CELF2: variants seen among roughly 807,000 people sequenced by gnomAD.
CELF2 encodes the protein CUG triplet repeat RNA-binding protein 2.
A neutral mutation model predicts 62.6 loss-of-function variants in CELF2; 8 were observed. The observed-to-expected ratio is 0.13, with a 90% CI of 0.07 to 0.23. The LOEUF (loss-of-function observed/expected upper bound fraction) is 0.23. Ranked by LOEUF, CELF2 falls within the 10% of genes least tolerant of loss-of-function variation. The probability of loss-of-function intolerance (pLI) is 1.00; values close to 1 mark genes in which losing one functional copy is unlikely to be tolerated. For missense variants in CELF2, 333 were observed against 671.0 expected (o/e 0.50, Z 5.56); for synonymous variants, 258 against 250.0 (o/e 1.03, Z -0.30).
chr10:10,473,142 T>A, the CELF2 span, among the ~76,000 whole-genome samples: 3 of 152,042 alleles, frequency 2.0e-5, no homozygotes, highest in Admixed American at 1.3e-4. Flanking sequence ...TCATTGCTGA[T>A]GCAGTTAGTT....
intron 1 of CELF2, among the ~76,000 whole-genome samples, chr10:11,162,504 C>T (rs993443070): frequency 6.6e-6 from 1 of 151,568 alleles, no homozygotes; most frequent in Non-Finnish European, 1.5e-5. Context: ...ATGAGAGGTG[C>T]TCATGGGTGG....
In CELF2 at chr10:11,211,998, G is replaced by A. The variant is rs2061976820; in HGVS notation, c.272-5427G>A. On this transcript the variant is annotated intron_variant, in intron 2 of 12. Coordinates refer to ENST00000633077, the MANE Select transcript of CELF2 (RefSeq NM_001326342.2). This position sits in a 1 kb window ranked among gnomAD's most constrained non-coding sequence, Gnocchi z 4.8. ...GAAACTATTAGTGAAAAAATATAGC[G>A]AGACACCAGCTACCCTGTGTGGAGT... Among the ~76,000 whole-genome samples the A allele has an allele frequency of 6.6e-6, 1 of 152,088 alleles. No homozygotes were observed.
intron 2 of CELF2, among the ~76,000 whole-genome samples, chr10:11,204,666 G>T (rs888434514): frequency 6.6e-6 from 1 of 152,192 alleles, no homozygotes; most frequent in Non-Finnish European, 1.5e-5. Context: ...GATCTCCTGC[G>T]CTTGATCCCC....
chr10:11,022,254 GC>G (rs1304576768), intron 1 of CELF2, among the ~76,000 whole-genome samples: 9 of 152,206 alleles, frequency 5.9e-5, no homozygotes, highest in African/African-American at 2.2e-4. Flanking sequence ...CATGTTATCA[GC>G]TGCTTTCCGA....
chr10:11,153,453 C>T (rs991564812), intron 1 of CELF2, among the ~76,000 whole-genome samples: 21 of 152,122 alleles, frequency 1.4e-4, no homozygotes, highest in African/African-American at 4.6e-4. Flanking sequence ...AGGCATCCAC[C>T]GAGATTGACA....
chr10:10,599,213 C>T, the CELF2 span, among the ~76,000 whole-genome samples: 6 of 152,124 alleles, frequency 3.9e-5, no homozygotes, highest in Non-Finnish European at 8.8e-5. Flanking sequence ...AGAGCAATGA[C>T]TTTCAATGAG....
At chr10:10,954,211 TTTATTATTATTA>T (rs148582483) in intron 2 of CELF2, among the ~76,000 whole-genome samples, 29,625 of 137,088 alleles carry the variant, frequency 0.22, 3,966 homozygotes, top group East Asian at 0.63. Flanking sequence ...TGGCAATTTA[TTTATTATTATTA>T]TTATTATTAT....
At chr10:11,308,187 A>C (rs1375867212) in intron 9 of CELF2, among the ~76,000 whole-genome samples, 1 of 152,186 alleles carries the variant, frequency 6.6e-6, no homozygotes, top group Non-Finnish European at 1.5e-5. Flanking sequence ...TGCTCCATTC[A>C]AGATTTTCTC....
chr10:11,128,452 A>G (rs770780145), intron 1 of CELF2, among the ~76,000 whole-genome samples: 24 of 152,190 alleles, frequency 1.6e-4, no homozygotes, highest in African/African-American at 5.1e-4. Context: ...CATTCAATCT[A>G]TAAATTACCT....
At chr10:11,080,060 A>T (rs893446397) in intron 1 of CELF2, among the ~76,000 whole-genome samples, 1 of 152,242 alleles carries the variant, frequency 6.6e-6, no homozygotes, top group Non-Finnish European at 1.5e-5. Flanking sequence ...AGAGTCATTA[A>T]GGTAGAGAGG....
intron 2 of CELF2, among the ~76,000 whole-genome samples, chr10:11,182,970 A>T (rs558259180): frequency 6.6e-6 from 1 of 152,192 alleles, no homozygotes; most frequent in South Asian, 2.1e-4. Flanking sequence ...CAACAGCTCA[A>T]TGGAGACATA....
At chr10:11,066,996 C>T (rs751715944) in intron 1 of CELF2, among the ~76,000 whole-genome samples, 1 of 152,162 alleles carries the variant, frequency 6.6e-6, no homozygotes, top group Non-Finnish European at 1.5e-5. Flanking sequence ...CTCTTGCCTA[C>T]AGGTAGAAAT....
At chr10:11,195,097 T>C (rs1005684775) in intron 2 of CELF2, among the ~76,000 whole-genome samples, 2 of 152,210 alleles carry the variant, frequency 1.3e-5, no homozygotes, top group Non-Finnish European at 2.9e-5. Flanking sequence ...GCTGTAGAAA[T>C]CTATGATACT....
the CELF2 span, among the ~76,000 whole-genome samples, chr10:10,648,496 C>T: frequency 6.6e-6 from 1 of 152,138 alleles, no homozygotes; most frequent in Non-Finnish European, 1.5e-5. Flanking sequence ...GGAAGGGTTG[C>T]AGTAGGTAAA....
intron 1 of CELF2, chr10:11,018,935 C>G (rs1183874243): frequency 6.6e-6 from 1 of 152,182 alleles, no homozygotes. Flanking sequence ...GCCAGGTGTA[C>G]TTTATTGCAG....
chr10:10,559,468 A>G, the CELF2 span, among the ~76,000 whole-genome samples: 2 of 152,224 alleles, frequency 1.3e-5, no homozygotes, highest in East Asian at 1.9e-4. Flanking sequence ...TTTGACATAT[A>G]CTAGCTGTTC....
rs541696271 is a variant in CELF2 at position 11,062,345 on chromosome 10, A to G, written c.74+44182A>G. 8.1e-4 allele frequency among the ~76,000 whole-genome samples: 123 copies of G among 152,390 alleles called. 2 individuals carry two copies. The highest frequency in any genetic ancestry group is 1.5e-3 in the Non-Finnish European group (105 of 68,032). ...TTTAAGAAACATATTTTGTAAGGCT[A>G]TGGCTGCTATAGATTGTGATTCCTC... is the stretch of plus-strand genomic sequence containing the variant. On this transcript the variant is annotated intron_variant, in intron 1 of 12. Transcript: ENST00000633077.
intron 2 of CELF2, chr10:10,966,644 G>C (rs2050151956): frequency 6.6e-6 from 1 of 152,232 alleles, no homozygotes; most frequent in South Asian, 2.1e-4. Context: ...TAAATGCCTG[G>C]AGCTGAGCAG....
At chr10:10,679,641 C>A in the CELF2 span, among the ~76,000 whole-genome samples, 1 of 152,044 alleles carries the variant, frequency 6.6e-6, no homozygotes, top group Admixed American at 6.5e-5. Flanking sequence ...TTGAACATAC[C>A]CAAAAGAACA....
Sources: allele counts gnomAD v4.1 joint callset (sites outside exome capture counted in the v4.1 genomes callset), GRCh38; gene constraint gnomAD v4.1.1; non-coding constraint Gnocchi (gnomAD v3.1); transcripts MANE v1.5; gene names NCBI Gene and HGNC (gene_info 2026-07-23, HGNC 2026-07-21).